Variants in SLC25A21 observed in about 807,000 individuals in gnomAD.
The protein encoded by SLC25A21 is solute carrier family 25 member 21.
Under a neutral mutation model 43.8 loss-of-function variants are expected in SLC25A21, and 47 were observed. The ratio of observed to expected loss-of-function variants is 1.07; its 90% CI spans 0.85 to 1.37. The LOEUF is 1.37. Among genes scored for constraint, SLC25A21 ranks in the 40% most tolerant of loss-of-function variants. The pLI is 0.00. For synonymous variants in SLC25A21, 131 were observed against 121.3 expected (o/e 1.08, Z -0.52); for missense variants, 352 against 350.2 (o/e 1.00, Z -0.04).
chr14:36,922,557 A>G (rs1038906010), intron 1 of SLC25A21, among the ~76,000 whole-genome samples: 1 of 151,038 alleles, frequency 6.6e-6, no homozygotes, highest in African/African-American at 2.4e-5. Flanking sequence ...TTTTTGTTAA[A>G]TTGTTGGCTG....
chr14:36,731,194 C>T (rs576140432), intron 4 of SLC25A21, among the ~76,000 whole-genome samples: 246 of 152,304 alleles, frequency 1.6e-3, no homozygotes, highest in Middle Eastern at 6.8e-3. Flanking sequence ...AGGATGGTCT[C>T]GATCTCCTGA....
intron 1 of SLC25A21, among the ~76,000 whole-genome samples, chr14:37,170,985 G>A (rs1019856351): frequency 6.6e-6 from 1 of 151,460 alleles, no homozygotes; most frequent in Non-Finnish European, 1.5e-5. Flanking sequence ...AGCTACTCAG[G>A]AGGCTGAGAT....
At chr14:36,895,017 T>A (rs1428708449) in intron 1 of SLC25A21, among the ~76,000 whole-genome samples, 5 of 152,214 alleles carry the variant, frequency 3.3e-5, no homozygotes, top group African/African-American at 2.4e-5. Flanking sequence ...TGGTTGTGTC[T>A]CTGCCAGGCT....
In SLC25A21 at chr14:36,860,689, C is replaced by T. The variant is rs544310805; in HGVS notation, c.119+14267G>A. Among the ~76,000 whole-genome samples the T allele has an allele frequency of 5.3e-5, 8 of 152,288 alleles. No homozygotes were observed. In the East Asian group the frequency reaches 7.7e-4, roughly 15 times the overall value. ...AGGAAAAAGTCAAACTTTTTTCTAA[C>T]GCGTACTTCTTACTTTTCAAAATTT... is the stretch of plus-strand genomic sequence containing the variant. On this transcript the variant is annotated intron_variant, in intron 2 of 9. Transcript: ENST00000331299.
chr14:37,163,717 G>A (rs1238244651), intron 1 of SLC25A21, among the ~76,000 whole-genome samples: 1 of 152,012 alleles, frequency 6.6e-6, no homozygotes, highest in African/African-American at 2.4e-5. Context: ...AATAAAAGTG[G>A]GTTAAAGTGT....
intron 1 of SLC25A21, among the ~76,000 whole-genome samples, chr14:37,044,644 G>T (rs1403306555): frequency 6.6e-6 from 1 of 152,068 alleles, no homozygotes; most frequent in Non-Finnish European, 1.5e-5. Context: ...CCTGAATTTT[G>T]ATGTACATTA....
At chr14:36,714,028 A>G (rs1448062679) in intron 6 of SLC25A21, among the ~76,000 whole-genome samples, 1 of 152,124 alleles carries the variant, frequency 6.6e-6, no homozygotes, top group Non-Finnish European at 1.5e-5. Context: ...AAAAAGAAAA[A>G]AAAATCTTCC....
chr14:36,969,743 TG>T (rs1180308710), intron 1 of SLC25A21, among the ~76,000 whole-genome samples: 3 of 151,976 alleles, frequency 2.0e-5, no homozygotes, highest in Admixed American at 6.6e-5. Context: ...CCTACCTCCT[TG>T]GCCTCCCAAA....
At chr14:36,947,999 C>T (rs562939830) in intron 1 of SLC25A21, among the ~76,000 whole-genome samples, 1 of 152,284 alleles carries the variant, frequency 6.6e-6, no homozygotes, top group Middle Eastern at 3.4e-3. Context: ...AAGGGACCAT[C>T]ATTATTCCAA....
chr14:36,945,646 G>T (rs1056830630), intron 1 of SLC25A21, among the ~76,000 whole-genome samples: 65 of 152,080 alleles, frequency 4.3e-4, no homozygotes, highest in Admixed American at 2.6e-4. Flanking sequence ...ACTTATATAT[G>T]GTATATACCT....
At chr14:36,874,849 C>A in intron 2 of SLC25A21, 107 bp downstream of exon 2, 1 of 795,372 alleles carries the variant, frequency 1.3e-6, no homozygotes. Flanking sequence ...ACTGCCATTA[C>A]AGAGAGAAGC....
Position 36,820,467 on chromosome 14 carries a change from A to G in SLC25A21, c.120-6466T>C, listed in dbSNP as rs775153495. Among the ~76,000 whole-genome samples, 5 of 152,160 alleles carry G rather than the reference A, an allele frequency of 3.3e-5. No individual in the cohort carries two copies. The East Asian group carries it at 9.6e-4, about 29-fold the overall frequency. ...ATGCCACAATGCACTAGGCTGTATA[A>G]TAATTCCACCTTTGTGTCAAAGGAG... On this transcript the variant is annotated intron_variant, in intron 2 of 9. Coordinates refer to ENST00000331299, the MANE Select transcript of SLC25A21 (RefSeq NM_030631.4).
intron 2 of SLC25A21, among the ~76,000 whole-genome samples, chr14:36,840,224 C>T (rs1255835352): frequency 6.6e-6 from 1 of 150,822 alleles, no homozygotes; most frequent in Non-Finnish European, 1.5e-5. Flanking sequence ...TTTTTTTAAA[C>T]AGTATTATTT....
chr14:36,806,411 G>A (rs556740672), intron 3 of SLC25A21, among the ~76,000 whole-genome samples: 7 of 152,190 alleles, frequency 4.6e-5, no homozygotes, highest in African/African-American at 1.7e-4. Flanking sequence ...ATAAATGTTT[G>A]AGGTGATGGA....
intron 3 of SLC25A21, among the ~76,000 whole-genome samples, chr14:36,793,533 C>CAAAAA (rs35553282): frequency 7.9e-6 from 1 of 125,936 alleles, no homozygotes; most frequent in African/African-American, 2.9e-5. Context: ...AAAATACAAC[C>CAAAAA]AAAAAAAAAA....
chr14:36,730,287 T>C (rs976968153), intron 4 of SLC25A21, among the ~76,000 whole-genome samples: 13 of 152,238 alleles, frequency 8.5e-5, no homozygotes, highest in Non-Finnish European at 1.6e-4. Flanking sequence ...AATCAATTGC[T>C]TCATATAATA....
chr14:36,746,672 C>T (rs1044694078), intron 3 of SLC25A21, among the ~76,000 whole-genome samples: 1 of 152,112 alleles, frequency 6.6e-6, no homozygotes, highest in African/African-American at 2.4e-5. Context: ...CCATTCTGAT[C>T]ACTCTCATCT....
At chr14:36,898,010 A>G (rs1891292863) in intron 1 of SLC25A21, among the ~76,000 whole-genome samples, 1 of 152,200 alleles carries the variant, frequency 6.6e-6, no homozygotes, top group Admixed American at 6.5e-5. Context: ...CAGTCTGTCC[A>G]TTCTCAGATC....
chr14:37,019,086 C>A (rs986864027), intron 1 of SLC25A21, among the ~76,000 whole-genome samples: 2 of 151,922 alleles, frequency 1.3e-5, no homozygotes, highest in African/African-American at 2.4e-5. Context: ...GGTCATCTTG[C>A]ATCAGTAATA....
Sources: gnomAD v4.1 joint callset for allele counts (sites outside exome capture counted in the v4.1 genomes callset) on GRCh38, gnomAD v4.1.1 for gene constraint, MANE v1.5 for transcripts, NCBI Gene and HGNC (gene_info 2026-07-23, HGNC 2026-07-21) for gene names.